Variants in KIF16B observed in about 807,000 individuals in gnomAD.
KIF16B encodes kinesin family member 16B, also known as kinesin-like protein KIF16B.
KIF16B carries 98 observed loss-of-function variants against 156.3 expected under a neutral mutation model. The observed-to-expected ratio is 0.63, with a 90% CI of 0.53 to 0.74. The LOEUF is 0.74. KIF16B is among the 30% of genes least tolerant of loss of function. The pLI is 0.00. For synonymous variants in KIF16B, 564 were observed against 583.7 expected (o/e 0.97, Z 0.49); for missense variants, 1,421 against 1,606.5 (o/e 0.88, Z 1.97).
chr20:16,396,724 A>G (rs1325735976), intron 17 of KIF16B, among the ~76,000 whole-genome samples: 1 of 147,682 alleles, frequency 6.8e-6, no homozygotes, highest in Non-Finnish European at 1.5e-5. Flanking sequence ...ACATTTAAGT[A>G]TCACTCATTC....
intron 20 of KIF16B, 27 bp downstream of exon 20, chr20:16,374,230 G>A (rs2064889514): frequency 1.3e-6 from 2 of 1,513,068 alleles, no homozygotes; most frequent in African/African-American, 1.4e-5. Flanking sequence ...CAAATGAGAA[G>A]CCTGGAATCA....
intron 4 of KIF16B, among the ~76,000 whole-genome samples, chr20:16,514,286 T>C (rs1044345766): frequency 6.6e-6 from 1 of 152,136 alleles, no homozygotes; most frequent in African/African-American, 2.4e-5. Flanking sequence ...AATTAGCTGT[T>C]TGTTCCTCTC....
intron 25 of KIF16B, among the ~76,000 whole-genome samples, chr20:16,297,070 T>C (rs2063398725): frequency 6.6e-6 from 1 of 152,242 alleles, no homozygotes; most frequent in Non-Finnish European, 1.5e-5. Context: ...CTGCTGGCTT[T>C]CAGCCTGGAA....
At chr20:16,294,260 A>G (rs2063352276) in intron 25 of KIF16B, among the ~76,000 whole-genome samples, 1 of 152,196 alleles carries the variant, frequency 6.6e-6, no homozygotes, top group South Asian at 2.1e-4. Flanking sequence ...CAGAGAAGAT[A>G]CATGCCCAAC....
At chr20:16,372,357 C>T (rs530163247) in intron 20 of KIF16B, among the ~76,000 whole-genome samples, 12 of 152,286 alleles carry the variant, frequency 7.9e-5, no homozygotes, top group South Asian at 2.1e-4. Flanking sequence ...AAGACCACAT[C>T]GTAAAGGTCT....
At chr20:16,431,556 T>C (rs754454230) in intron 12 of KIF16B, among the ~76,000 whole-genome samples, 19 of 152,118 alleles carry the variant, frequency 1.2e-4, no homozygotes, top group Non-Finnish European at 2.2e-4. Flanking sequence ...TCCCCTACAG[T>C]AGGGTTTCTG....
At chr20:16,348,894 C>T (rs774316420) in intron 23 of KIF16B, among the ~76,000 whole-genome samples, 7 of 152,050 alleles carry the variant, frequency 4.6e-5, no homozygotes, top group African/African-American at 1.2e-4. Flanking sequence ...TACTTAGGGA[C>T]GGAAAGGGAG....
intron 15 of KIF16B, among the ~76,000 whole-genome samples, chr20:16,423,023 T>C (rs2066263815): frequency 6.6e-6 from 1 of 152,028 alleles, no homozygotes; most frequent in Admixed American, 6.6e-5. Flanking sequence ...AGTGAAAACA[T>C]GGAGTACTGG....
chr20:16,517,830 A>G (rs893841648), intron 3 of KIF16B, among the ~76,000 whole-genome samples: 4 of 152,228 alleles, frequency 2.6e-5, no homozygotes, highest in Non-Finnish European at 4.4e-5. Context: ...TGAATTCACT[A>G]GTAAGGAAAA....
chr20:16,490,158 C>T (rs1212845115), intron 12 of KIF16B, among the ~76,000 whole-genome samples: 2 of 152,068 alleles, frequency 1.3e-5, no homozygotes, highest in East Asian at 1.9e-4. Flanking sequence ...AGAATGTGAC[C>T]GTATTTGGAG....
intron 25 of KIF16B, among the ~76,000 whole-genome samples, chr20:16,282,972 C>T (rs1398839737): frequency 2.6e-5 from 4 of 152,128 alleles, no homozygotes; most frequent in Admixed American, 6.5e-5. Flanking sequence ...ACCACTTGCC[C>T]GAAGGTACTT....
At chr20:16,318,131 A>G (rs67182398) in intron 24 of KIF16B, among the ~76,000 whole-genome samples, 5,338 of 151,794 alleles carry the variant, frequency 0.035, 108 homozygotes, top group African/African-American at 0.045. Context: ...CCCACAAAGT[A>G]CTGGTGTTTT....
intron 24 of KIF16B, among the ~76,000 whole-genome samples, chr20:16,319,553 A>G (rs905122825): frequency 1.3e-5 from 2 of 152,230 alleles, no homozygotes; most frequent in Non-Finnish European, 2.9e-5. Flanking sequence ...AGAGACAGAC[A>G]GGTGGACACA....
At chr20:16,558,142 C>T (rs1471325436) in intron 1 of KIF16B, among the ~76,000 whole-genome samples, 1 of 152,198 alleles carries the variant, frequency 6.6e-6, no homozygotes, top group East Asian at 1.9e-4. Context: ...GAGATGCGGA[C>T]ATCTGGAGAA....
chr20:16,534,543 T>C (rs1458674682), intron 1 of KIF16B, among the ~76,000 whole-genome samples: 1 of 152,206 alleles, frequency 6.6e-6, no homozygotes, highest in Non-Finnish European at 1.5e-5. Context: ...GTTTTTGGTT[T>C]TGTTGTCTGT....
At chr20:16,427,418 G>A (rs1047654726) in intron 14 of KIF16B, among the ~76,000 whole-genome samples, 177 bp from the exon 15 acceptor site, 3 of 152,092 alleles carry the variant, frequency 2.0e-5, no homozygotes, top group Non-Finnish European at 2.9e-5. Flanking sequence ...AGCTCATGAC[G>A]TTCAATGATA....
At chr20:16,469,295 A>G (rs929036760) in intron 12 of KIF16B, among the ~76,000 whole-genome samples, 6 of 150,676 alleles carry the variant, frequency 4.0e-5, no homozygotes, top group Non-Finnish European at 8.9e-5. Context: ...CTCCTTTCAG[A>G]CCACGATAGA....
At chr20:16,309,851 A>G (rs959302896) in intron 25 of KIF16B, among the ~76,000 whole-genome samples, 11 of 152,206 alleles carry the variant, frequency 7.2e-5, no homozygotes, top group Non-Finnish European at 1.3e-4. Context: ...AGTTTCATAT[A>G]GGAATTTAAA....
intron 1 of KIF16B, among the ~76,000 whole-genome samples, chr20:16,538,757 T>C (rs949949298): frequency 2.0e-5 from 3 of 152,200 alleles, no homozygotes; most frequent in Admixed American, 6.5e-5. Context: ...TCATGATGAA[T>C]TGTAATCTCC....
Sources: allele counts gnomAD v4.1 joint callset (sites outside exome capture counted in the v4.1 genomes callset), GRCh38; gene constraint gnomAD v4.1.1; transcripts MANE v1.5; gene names NCBI Gene and HGNC (gene_info 2026-07-23, HGNC 2026-07-21).